Variants in SRBD1 observed in about 807,000 individuals in gnomAD.
The protein encoded by SRBD1 is S1 RNA-binding domain-containing protein 1.
A neutral mutation model predicts 115.3 loss-of-function variants in SRBD1; 88 were observed. The ratio of observed to expected loss-of-function variants is 0.76; its 90% CI spans 0.64 to 0.91. SRBD1 has a LOEUF of 0.91. SRBD1 is among the 40% of genes least tolerant of loss of function. The pLI, the probability that SRBD1 is intolerant of heterozygous loss-of-function variation, is 0.00. For missense variants in SRBD1, 1,385 were observed against 1,177.4 expected (o/e 1.18, Z -2.58); for synonymous variants, 509 against 407.7 (o/e 1.25, Z -2.99).
At chr2:45,442,483 G>A (rs1368406616) in intron 16 of SRBD1, among the ~76,000 whole-genome samples, 1 of 152,156 alleles carries the variant, frequency 6.6e-6, no homozygotes, top group Admixed American at 6.5e-5. Context: ...TAACTGTGCC[G>A]TGGACAACGG....
At chr2:45,535,485 T>C (rs1030962371) in intron 14 of SRBD1, among the ~76,000 whole-genome samples, 1 of 152,004 alleles carries the variant, frequency 6.6e-6, no homozygotes, top group Non-Finnish European at 1.5e-5. Context: ...CAGTCATCTA[T>C]ACAACCTATT....
At chr2:45,534,744 T>C (rs1266893792) in intron 14 of SRBD1, among the ~76,000 whole-genome samples, 1 of 151,992 alleles carries the variant, frequency 6.6e-6, no homozygotes, top group Non-Finnish European at 1.5e-5. Flanking sequence ...TTCCTCCATA[T>C]AAAACAGTAT....
chr2:45,551,319 A>C (rs748770724), intron 11 of SRBD1, 37 bp from the exon 12 acceptor site: 1 of 1,568,308 alleles, frequency 6.4e-7, no homozygotes, highest in South Asian at 1.2e-5. Flanking sequence ...TTTTTCATTC[A>C]CCCAAATTTT....
At chr2:45,409,999 A>C (rs1014683713) in intron 19 of SRBD1, among the ~76,000 whole-genome samples, 1 of 152,202 alleles carries the variant, frequency 6.6e-6, no homozygotes, top group Non-Finnish European at 1.5e-5. Flanking sequence ...TAAATCATAT[A>C]TTTGACAAAG....
At chr2:45,534,074 C>T (rs1401042212) in intron 14 of SRBD1, among the ~76,000 whole-genome samples, 1 of 151,960 alleles carries the variant, frequency 6.6e-6, no homozygotes, top group Admixed American at 6.6e-5. Flanking sequence ...AACACAAAAA[C>T]ACATGGGTTA....
chr2:45,477,099 A>G, intron 15 of SRBD1, 24 bp from the exon 16 acceptor site: 1 of 1,595,592 alleles, frequency 6.3e-7, no homozygotes. Context: ...ATCAGAAAAC[A>G]AGTATGACTT....
At chr2:45,448,641 G>C (rs1668900520) in intron 16 of SRBD1, among the ~76,000 whole-genome samples, 3 of 152,058 alleles carry the variant, frequency 2.0e-5, no homozygotes, top group South Asian at 4.1e-4. Context: ...TTTAGTGCTA[G>C]ACAAGCAAAA....
chr2:45,517,309 C>T (rs546451888), intron 14 of SRBD1, among the ~76,000 whole-genome samples: 9 of 152,196 alleles, frequency 5.9e-5, no homozygotes, highest in African/African-American at 1.4e-4. Context: ...CCTGTTTTTA[C>T]GACTATCACA....
Position 45,601,545 on chromosome 2 carries a change from T to G in SRBD1, c.261+358A>C, listed in dbSNP as rs995953361. 7.2e-5 allele frequency among the ~76,000 whole-genome samples: 11 copies of G among 152,324 alleles called. No homozygotes were observed. The South Asian group carries it at 2.3e-3, about 32-fold the overall frequency. ...TGAGCAAGTCACTTAACATCTTTCT[T>G]CAGCTTTCTCATCTATAAAATCAGC... On this transcript the variant is annotated intron_variant, in intron 3 of 20. Coordinates refer to ENST00000263736, the MANE Select transcript of SRBD1 (RefSeq NM_018079.5).
intron 19 of SRBD1, among the ~76,000 whole-genome samples, chr2:45,402,237 T>G (rs1667311423): frequency 6.6e-6 from 1 of 152,298 alleles, no homozygotes; most frequent in African/African-American, 2.4e-5. Context: ...AATCTACTTT[T>G]GGTTCTAAAA....
Position 45,562,754 on chromosome 2 carries a change from A to G in SRBD1, c.1308T>C (p.Ile436=), listed in dbSNP as rs1456510898. 17 of 1,602,900 alleles carry G rather than the reference A, an allele frequency of 1.1e-5. No individual in the cohort carries two copies. Among genetic ancestry groups the G allele is most frequent in the African/African-American group, 1.3e-5 (1 of 74,300 alleles). The change falls in exon 10 of 21, where the codon ATT becomes ATC. Residue 436 remains isoleucine (I), a splice_region_variant and synonymous_variant. Transcript: ENST00000263736. ...CNIRNIHHHQ[I]LAINRGENLK... Reference sequence around the variant, plus strand: ...AATTTTCTCCACGGTTAATTGCCAGAATCTGAGTGCAAACATAAGGCAAAG... The same window carrying G: ...AATTTTCTCCACGGTTAATTGCCAGGATCTGAGTGCAAACATAAGGCAAAG...
intron 14 of SRBD1, among the ~76,000 whole-genome samples, chr2:45,530,065 C>T (rs1319173877): frequency 6.6e-6 from 1 of 151,928 alleles, no homozygotes; most frequent in Non-Finnish European, 1.5e-5. Flanking sequence ...AGAAGAGTGG[C>T]CTACCAAACT....
At chr2:45,397,970 GT>G (rs1409490694) in intron 19 of SRBD1, among the ~76,000 whole-genome samples, 1 of 152,092 alleles carries the variant, frequency 6.6e-6, no homozygotes, top group East Asian at 1.9e-4. Context: ...ATCTATGCTG[GT>G]GCAAAATATA....
chr2:45,472,771 T>C (rs1669688679), intron 16 of SRBD1, among the ~76,000 whole-genome samples: 1 of 152,238 alleles, frequency 6.6e-6, no homozygotes, highest in Non-Finnish European at 1.5e-5. Context: ...GAAGCTATGC[T>C]GTTAGGTAAC....
chr2:45,441,459 A>G (rs1668666700), intron 16 of SRBD1, among the ~76,000 whole-genome samples: 2 of 152,244 alleles, frequency 1.3e-5, no homozygotes, highest in African/African-American at 4.8e-5. Context: ...CCTGGTACAT[A>G]GTACGTACTC....
At chr2:45,485,149 C>G (rs2103844411) in intron 15 of SRBD1, among the ~76,000 whole-genome samples, 1 of 152,244 alleles carries the variant, frequency 6.6e-6, no homozygotes, top group South Asian at 2.1e-4. Flanking sequence ...GCTTTTTAAA[C>G]AGACTTTCAA....
At chr2:45,401,552 A>T (rs937279397) in intron 19 of SRBD1, among the ~76,000 whole-genome samples, 1 of 152,202 alleles carries the variant, frequency 6.6e-6, no homozygotes, top group Non-Finnish European at 1.5e-5. Flanking sequence ...ATTTGCAAAT[A>T]ATCTCTTAGG....
chr2:45,595,853 C>T (rs1673878234), intron 4 of SRBD1, among the ~76,000 whole-genome samples: 1 of 152,096 alleles, frequency 6.6e-6, no homozygotes, highest in African/African-American at 2.4e-5. Flanking sequence ...CTAAACCCAC[C>T]AGGAAAATGC....
intron 15 of SRBD1, among the ~76,000 whole-genome samples, chr2:45,482,611 TAAAC>T (rs1309158951): frequency 1.6e-4 from 12 of 76,820 alleles, no homozygotes; most frequent in African/African-American, 6.6e-4. Flanking sequence ...TTCACAACGT[TAAAC>T]ACACACACAC....
Sources: gnomAD v4.1 joint callset for allele counts (sites outside exome capture counted in the v4.1 genomes callset) on GRCh38, gnomAD v4.1.1 for gene constraint, MANE v1.5 for transcripts, NCBI Gene and HGNC (gene_info 2026-07-23, HGNC 2026-07-21) for gene names.